CCDC73: variants seen among roughly 807,000 people sequenced by gnomAD.
CCDC73 encodes the protein coiled-coil domain-containing protein 73.
CCDC73 carries 95 observed loss-of-function variants against 116.5 expected under a neutral mutation model. The observed-to-expected ratio is 0.82, with a 90% confidence interval of 0.69 to 0.97. CCDC73 has a LOEUF of 0.97. Among genes scored for constraint, CCDC73 ranks in the 50% least tolerant of loss-of-function variants. The probability of loss-of-function intolerance (pLI) is 0.00; values close to 1 mark genes in which losing one functional copy is unlikely to be tolerated. For synonymous variants in CCDC73, 398 were observed against 401.3 expected, an observed-to-expected ratio of 0.99 and a Z score of 0.10; for missense variants, 1,066 against 1,206.8, an observed-to-expected ratio of 0.88 and a Z score of 1.73.
At chr11:32,772,455 G>C (rs898444625) in intron 1 of CCDC73, among the ~76,000 whole-genome samples, 2 of 152,132 alleles carry the variant, frequency 1.3e-5, no homozygotes, top group Non-Finnish European at 2.9e-5. Flanking sequence ...AATAGCTATT[G>C]AGGGCATTTG....
chr11:32,755,547 A>ATATATATATATATATATATATG lies in CCDC73; in HGVS notation c.135+4561_135+4562insCATATATATATATATATATATA, dbSNP rs1554968838. Among the ~76,000 whole-genome samples, 6 of 93,860 alleles carry ATATATATATATATATATATATG rather than the reference A, an allele frequency of 6.4e-5. No homozygotes were observed. The East Asian group carries it at 3.4e-3, about 52-fold the overall frequency. 61.6% of individuals were successfully genotyped at this position (93,860 alleles called of 152,430 possible). A position where few individuals can be genotyped will look rare whatever the true frequency, so the allele number is the denominator to read the frequency against. On this transcript the variant is annotated intron_variant, in intron 2 of 17. Coordinates refer to ENST00000335185, the MANE Select transcript of CCDC73 (RefSeq NM_001008391.4). ...AGACTCCATCTCAAAATATATATAT[A>ATATATATATATATATATATATG]TATATATATATATATGTACATATAT...
At chr11:32,826,646 C>CA in the CCDC73 span, among the ~76,000 whole-genome samples, 2,202 of 62,924 alleles carry the variant, frequency 0.035, 54 homozygotes, top group African/African-American at 0.078. Flanking sequence ...GATAATAACT[C>CA]AAAAAAAAAA....
At chr11:32,658,023 T>TAA (rs11309519) in intron 9 of CCDC73, among the ~76,000 whole-genome samples, 2 of 133,026 alleles carry the variant, frequency 1.5e-5, no homozygotes, top group South Asian at 2.4e-4. Flanking sequence ...CTAGTCTCTT[T>TAA]AAAAAAAAAA....
chr11:32,748,905 T>C (rs993918226), intron 2 of CCDC73, among the ~76,000 whole-genome samples: 3 of 152,228 alleles, frequency 2.0e-5, no homozygotes, highest in Non-Finnish European at 4.4e-5. Flanking sequence ...AAAAGTCTGC[T>C]GCCAGATGTA....
At chr11:32,803,503 G>C in the CCDC73 span, among the ~76,000 whole-genome samples, 3 of 152,072 alleles carry the variant, frequency 2.0e-5, no homozygotes, top group East Asian at 5.8e-4. Flanking sequence ...TAGTTCATAG[G>C]ATTCAATTAT....
At chr11:32,703,326 G>A (rs749737176) in intron 3 of CCDC73, among the ~76,000 whole-genome samples, 4 of 151,844 alleles carry the variant, frequency 2.6e-5, no homozygotes, top group East Asian at 1.9e-4. Flanking sequence ...GGACTCAAGC[G>A]ACCCACCACT....
At chr11:32,823,166 T>G in the CCDC73 span, among the ~76,000 whole-genome samples, 1 of 152,094 alleles carries the variant, frequency 6.6e-6, no homozygotes, top group Non-Finnish European at 1.5e-5. Flanking sequence ...TATTTTAAAA[T>G]TCTAAATCTT....
chr11:32,814,089 A>T, the CCDC73 span, among the ~76,000 whole-genome samples: 14 of 152,166 alleles, frequency 9.2e-5, no homozygotes, highest in African/African-American at 3.4e-4. Context: ...TAAAGTTTCT[A>T]TGCCTGCCTC....
In CCDC73 at chr11:32,675,558, A is replaced by G. The variant is rs1856078660; in HGVS notation, c.645+7T>C. ...TACTTAGTAGTGTGAAACTGTATCA[A>G]TCATACCTTCTTTAAACTGCATATT... On this transcript the variant is annotated splice_region_variant and intron_variant, in intron 9 of 17. Coordinates refer to ENST00000335185, the MANE Select transcript of CCDC73 (RefSeq NM_001008391.4). The G allele has an allele frequency of 6.6e-7, 1 of 1,520,366 alleles. No individual in the cohort carries two copies. Among genetic ancestry groups the G allele is most frequent in the Non-Finnish European group, 9.0e-7 (1 of 1,110,504 alleles). 94.2% of individuals were successfully genotyped at this position (1,520,366 alleles called of 1,614,324 possible).
At chr11:32,737,137 T>A (rs1266178273) in intron 2 of CCDC73, among the ~76,000 whole-genome samples, 1 of 151,750 alleles carries the variant, frequency 6.6e-6, no homozygotes, top group Non-Finnish European at 1.5e-5. Flanking sequence ...GATTCAATCA[T>A]CCAATTCTGC....
At chr11:32,629,482 A>T (rs1855608290) in intron 14 of CCDC73, among the ~76,000 whole-genome samples, 1 of 151,552 alleles carries the variant, frequency 6.6e-6, no homozygotes, top group African/African-American at 2.4e-5. Context: ...CTCACCACAA[A>T]CTCCACCTCC....
chr11:32,649,232 C>T (rs1185681916), intron 12 of CCDC73, among the ~76,000 whole-genome samples: 2 of 152,034 alleles, frequency 1.3e-5, no homozygotes, highest in East Asian at 1.9e-4. Flanking sequence ...TGTGAAAGTT[C>T]ACAATGAAGC....
intron 1 of CCDC73, among the ~76,000 whole-genome samples, chr11:32,780,741 T>G (rs1850576223): frequency 6.6e-6 from 1 of 152,196 alleles, no homozygotes. Flanking sequence ...CACTTCATAT[T>G]TAGTTCTCCA....
At chr11:32,645,910 T>C (rs1855775101) in intron 12 of CCDC73, among the ~76,000 whole-genome samples, 1 of 152,204 alleles carries the variant, frequency 6.6e-6, no homozygotes, top group African/African-American at 2.4e-5. Flanking sequence ...ATGTGGTGCA[T>C]AACTATAAAA....
intron 6 of CCDC73, among the ~76,000 whole-genome samples, chr11:32,692,049 C>CAAAAAAAA: frequency 1.6e-5 from 1 of 60,750 alleles, no homozygotes; most frequent in Non-Finnish European, 3.5e-5. Flanking sequence ...CTCCGTCTCA[C>CAAAAAAAA]AAAAAAAAAA....
intron 6 of CCDC73, among the ~76,000 whole-genome samples, chr11:32,688,694 G>A (rs1229198278): frequency 6.6e-6 from 1 of 152,114 alleles, no homozygotes; most frequent in Non-Finnish European, 1.5e-5. Flanking sequence ...AGGAAAATAA[G>A]TTCTTTGTAT....
At chr11:32,724,197 T>G (rs1850012790) in intron 2 of CCDC73, among the ~76,000 whole-genome samples, 1 of 152,138 alleles carries the variant, frequency 6.6e-6, no homozygotes, top group South Asian at 2.1e-4. Context: ...TACCCAGTTT[T>G]CCCTCATACT....
intron 14 of CCDC73, among the ~76,000 whole-genome samples, chr11:32,632,656 G>A (rs527912470): frequency 6.6e-6 from 1 of 152,076 alleles, no homozygotes; most frequent in Non-Finnish European, 1.5e-5. Context: ...AGTGGGAGAA[G>A]AATGTTAAAA....
Position 32,712,997 on chromosome 11 carries a change from T to A in CCDC73, c.207+5079A>T, listed in dbSNP as rs116668059. Among the ~76,000 whole-genome samples the A allele has an allele frequency of 7.1e-3, 1,088 of 152,210 alleles. 17 individuals carry two copies. The highest frequency in any genetic ancestry group is 0.025 in the African/African-American group (1,049 of 41,552). ...CTCTATTTCTAATAAGTGTTACTCA[T>A]AGACAAGTTTAACAAAAAGCCTGGT... On this transcript the variant is annotated intron_variant, in intron 3 of 17. Transcript: ENST00000335185.
Sources: allele counts gnomAD v4.1 joint callset (sites outside exome capture counted in the v4.1 genomes callset), GRCh38; gene constraint gnomAD v4.1.1; transcripts MANE v1.5; gene names NCBI Gene and HGNC (gene_info 2026-07-23, HGNC 2026-07-21).